Variants in SYT14 observed in about 807,000 individuals in gnomAD.
The protein encoded by SYT14 is synaptotagmin-14.
SYT14 carries 32 observed loss-of-function variants against 74.2 expected under a neutral mutation model. That is an observed-to-expected ratio of 0.43 (90% confidence interval 0.33 to 0.58). The LOEUF (loss-of-function observed/expected upper bound fraction) is 0.58, where lower values mean the gene tolerates loss of function less well. Among genes scored for constraint, SYT14 ranks in the 20% least tolerant of loss-of-function variants. SYT14 has a pLI of 0.05. For synonymous variants in SYT14, 298 were observed against 337.7 expected, an observed-to-expected ratio of 0.88 and a Z score of 1.29; for missense variants, 791 against 981.8, an observed-to-expected ratio of 0.81 and a Z score of 2.60.
At chr1:210,121,579 G>A (rs2082462935) in intron 7 of SYT14, among the ~76,000 whole-genome samples, 1 of 152,114 alleles carries the variant, frequency 6.6e-6, no homozygotes, top group South Asian at 2.1e-4. Context: ...CGGATCACAA[G>A]GTCAGGAGAT....
At chr1:210,028,002 T>A (rs1261118735) in intron 5 of SYT14, among the ~76,000 whole-genome samples, 1 of 152,104 alleles carries the variant, frequency 6.6e-6, no homozygotes, top group Non-Finnish European at 1.5e-5. Flanking sequence ...CACTATTCCA[T>A]CTCTAGGATT....
chr1:210,140,988 T>G (rs2082902166), intron 7 of SYT14, among the ~76,000 whole-genome samples: 1 of 151,400 alleles, frequency 6.6e-6, no homozygotes, highest in Admixed American at 6.6e-5. Context: ...CTGGGTCCCT[T>G]GCACTTACAT....
intron 5 of SYT14, among the ~76,000 whole-genome samples, chr1:210,091,598 G>A (rs1308803339): frequency 6.6e-6 from 1 of 152,148 alleles, no homozygotes; most frequent in Non-Finnish European, 1.5e-5. Context: ...GCTGAGGAGG[G>A]AGGATCACTT....
intron 2 of SYT14, among the ~76,000 whole-genome samples, chr1:209,997,070 C>T (rs2079810833): frequency 6.6e-6 from 1 of 151,940 alleles, no homozygotes; most frequent in African/African-American, 2.4e-5. Flanking sequence ...AGAATGTCTA[C>T]TCTTAACACT....
intron 5 of SYT14, among the ~76,000 whole-genome samples, chr1:210,077,000 C>G (rs2081512750): frequency 6.6e-6 from 1 of 152,142 alleles, no homozygotes; most frequent in Non-Finnish European, 1.5e-5. Context: ...AAGGTTCTTC[C>G]TTATTGTAGA....
chr1:210,024,036 C>G (rs971509924), intron 5 of SYT14, among the ~76,000 whole-genome samples: 19 of 152,080 alleles, frequency 1.2e-4, no homozygotes, highest in Non-Finnish European at 2.6e-4. Context: ...GAGAATGTTT[C>G]AGGGATGGAG....
exon 10 of SYT14, chr1:210,170,587 T>TA (rs1558238995): frequency 6.6e-6 from 1 of 152,134 alleles, no homozygotes; most frequent in Non-Finnish European, 1.5e-5. Context: ...CACCTTTATG[T>TA]AAAAAATCTG....
intron 7 of SYT14, among the ~76,000 whole-genome samples, chr1:210,107,945 G>A (rs1012906599): frequency 1.3e-5 from 2 of 152,058 alleles, no homozygotes; most frequent in Admixed American, 6.6e-5. Context: ...AAAAAATGGA[G>A]GGTCAGAAAG....
intron 3 of SYT14, among the ~76,000 whole-genome samples, chr1:210,014,320 C>T (rs1306093355): frequency 1.3e-5 from 2 of 151,736 alleles, no homozygotes; most frequent in Non-Finnish European, 2.9e-5. Flanking sequence ...GTTCCACTCC[C>T]TCCCTTGGCA....
intron 2 of SYT14, among the ~76,000 whole-genome samples, chr1:209,995,941 A>C (rs905937637): frequency 6.6e-6 from 1 of 152,168 alleles, no homozygotes; most frequent in Non-Finnish European, 1.5e-5. Flanking sequence ...GAAAATGGAG[A>C]CACATCTTAC....
chr1:209,965,222 T>G (rs2102729012), intron 2 of SYT14, among the ~76,000 whole-genome samples: 1 of 152,288 alleles, frequency 6.6e-6, no homozygotes, highest in South Asian at 2.1e-4. Context: ...ATTCAACCCT[T>G]TTCCCCCTCC....
intron 1 of SYT14, among the ~76,000 whole-genome samples, chr1:209,949,909 G>A (rs1239867952): frequency 4.6e-5 from 7 of 152,120 alleles, no homozygotes; most frequent in East Asian, 1.9e-4. Context: ...GTGATTATTC[G>A]AGTAACTTAA....
chr1:209,969,759 G>A (rs755161369), intron 2 of SYT14, among the ~76,000 whole-genome samples: 3 of 152,038 alleles, frequency 2.0e-5, no homozygotes, highest in African/African-American at 7.2e-5. Context: ...GATTACAGGC[G>A]TGAGCCACCG....
chr1:210,159,487 T>C lies in SYT14; in HGVS notation c.2281+10T>C. On this transcript the variant is annotated intron_variant, in intron 9 of 9. Transcript: ENST00000637265. ...GTTTATATAATCCGAGGTGAGTTCCTGTAGAGGCTAATTGGATGTTGTCTT... is the reference window on the plus strand; with the variant it reads ...GTTTATATAATCCGAGGTGAGTTCCCGTAGAGGCTAATTGGATGTTGTCTT... 1 of 1,551,262 alleles carries C rather than the reference T, an allele frequency of 6.4e-7. No individual in the cohort carries two copies. The highest frequency in any genetic ancestry group is 8.7e-7 in the Non-Finnish European group (1 of 1,146,646).
chr1:210,127,103 A>G (rs2082584302), intron 7 of SYT14, among the ~76,000 whole-genome samples: 2 of 152,230 alleles, frequency 1.3e-5, no homozygotes, highest in African/African-American at 2.4e-5. Flanking sequence ...TTGTGGTCCC[A>G]TACTCATTTA....
intron 4 of SYT14, among the ~76,000 whole-genome samples, chr1:210,019,379 A>C (rs1209689466): frequency 6.6e-6 from 1 of 152,172 alleles, no homozygotes; most frequent in Non-Finnish European, 1.5e-5. Context: ...TATTTTCTGC[A>C]ACAATGAAAA....
chr1:209,961,668 A>G (rs2079077328), intron 2 of SYT14, among the ~76,000 whole-genome samples: 1 of 152,102 alleles, frequency 6.6e-6, no homozygotes, highest in Admixed American at 6.6e-5. Context: ...TTATTATCTT[A>G]CTGAAGAAGG....
intron 7 of SYT14, among the ~76,000 whole-genome samples, chr1:210,136,798 G>A (rs116646640): frequency 3.1e-3 from 477 of 152,284 alleles, no homozygotes; most frequent in Non-Finnish European, 5.3e-3. Flanking sequence ...CTGGGAGGGA[G>A]AAGTCATTAG....
chr1:210,022,829 C>T (rs969798824), intron 5 of SYT14, among the ~76,000 whole-genome samples: 13 of 151,912 alleles, frequency 8.6e-5, no homozygotes, highest in Non-Finnish European at 1.5e-4. Flanking sequence ...AGGTACGTTT[C>T]GGATTTATTT....
Sources: allele counts gnomAD v4.1 joint callset (sites outside exome capture counted in the v4.1 genomes callset), GRCh38; gene constraint gnomAD v4.1.1; transcripts MANE v1.5; gene names NCBI Gene and HGNC (gene_info 2026-07-23, HGNC 2026-07-21).